The following FIG4 variants were observed in gnomAD, a reference collection of about 807,000 sequenced individuals.
FIG4 encodes the protein FIG4 phosphoinositide 5-phosphatase, also known as polyphosphoinositide phosphatase.
A neutral mutation model predicts 118.6 loss-of-function variants in FIG4; 112 were observed. The observed-to-expected ratio is 0.94, with a 90% CI of 0.81 to 1.11. The LOEUF is 1.11. FIG4 is among the 50% of genes least tolerant of loss of function. FIG4 has a pLI of 0.00. For missense variants in FIG4, 969 were observed against 1,111.7 expected, an observed-to-expected ratio of 0.87 and a Z score of 1.83; for synonymous variants, 369 against 381.2, an observed-to-expected ratio of 0.97 and a Z score of 0.37.
rs548088940 is a variant in FIG4 at position 109,756,167 on chromosome 6, A to G, written c.1138-4083A>G. 7.7e-3 allele frequency among the ~76,000 whole-genome samples: 1,164 copies of G among 152,016 alleles called. 21 individuals carry two copies. The highest frequency in any genetic ancestry group is 0.025 in the African/African-American group (1,032 of 41,394). ...AATCTCTCAGCATTTGCTTGTCTGTAAAGTATTTTATTTCTCCTTTACTTA... is the reference window on the plus strand; with the variant it reads ...AATCTCTCAGCATTTGCTTGTCTGTGAAGTATTTTATTTCTCCTTTACTTA... On this transcript the variant is annotated intron_variant, in intron 10 of 22. Transcript: ENST00000230124.
At chr6:109,705,572 C>T (rs1775042401) in intron 1 of FIG4, among the ~76,000 whole-genome samples, 1 of 152,188 alleles carries the variant, frequency 6.6e-6, no homozygotes, top group South Asian at 2.1e-4. Context: ...TTTGGCTCCT[C>T]TGATTCATGG....
In FIG4 at chr6:109,825,129, T is replaced by G. The variant is rs756957150; in HGVS notation, c.2588T>G (p.Val863Gly). Residue 863 changes from valine (V) to glycine (G), a missense_variant, in exon 23 of 23, where the codon GTT (valine) becomes GGT (glycine). Coordinates refer to ENST00000230124, the MANE Select transcript of FIG4 (RefSeq NM_014845.6). ...SAFSQDNIYE[V>G]QPPRVDRKST... ...TTCTCGCAAGATAACATCTATGAAGTTCAGCCCCCAAGAGTAGACAGAAAA... is the reference window on the plus strand; with the variant it reads ...TTCTCGCAAGATAACATCTATGAAGGTCAGCCCCCAAGAGTAGACAGAAAA... 6.2e-7 allele frequency: 1 copy of G among 1,614,070 alleles called. No homozygotes were observed. Among genetic ancestry groups the G allele is most frequent in the Non-Finnish European group, 8.5e-7 (1 of 1,179,956 alleles).
intron 22 of FIG4, among the ~76,000 whole-genome samples, chr6:109,802,668 A>G (rs1319315580): frequency 6.6e-6 from 1 of 152,222 alleles, no homozygotes; most frequent in African/African-American, 2.4e-5. Flanking sequence ...CCTGGCATCT[A>G]GGCACTTATT....
chr6:109,793,025 A>G (rs1019559948), intron 21 of FIG4, among the ~76,000 whole-genome samples: 16 of 152,208 alleles, frequency 1.1e-4, no homozygotes, highest in Non-Finnish European at 1.5e-4. Flanking sequence ...ATAGTCAGCA[A>G]TACAGAAGAA....
At chr6:109,805,754 C>T (rs1201552096) in intron 22 of FIG4, among the ~76,000 whole-genome samples, 1 of 152,042 alleles carries the variant, frequency 6.6e-6, no homozygotes, top group Admixed American at 6.6e-5. Context: ...TCAATTCATG[C>T]TTTTTAAGCA....
chr6:109,771,705 A>G (rs1448960020), intron 15 of FIG4, among the ~76,000 whole-genome samples: 1 of 151,960 alleles, frequency 6.6e-6, no homozygotes, highest in African/African-American at 2.4e-5. Flanking sequence ...CTCCCATCAA[A>G]TGCAGAGGGC....
intron 1 of FIG4, among the ~76,000 whole-genome samples, chr6:109,708,254 G>A (rs893185877): frequency 6.6e-6 from 1 of 151,958 alleles, no homozygotes; most frequent in Admixed American, 6.6e-5. Context: ...TTTTGCATTC[G>A]TTTGCCAAGG....
At chr6:109,733,648 T>C (rs896584787) in intron 5 of FIG4, among the ~76,000 whole-genome samples, 5 of 152,052 alleles carry the variant, frequency 3.3e-5, no homozygotes, top group Admixed American at 3.3e-4. Flanking sequence ...TGAAGGAAGT[T>C]GATTATTTTA....
At chr6:109,783,904 T>G (rs563615277) in intron 16 of FIG4, among the ~76,000 whole-genome samples, 1 of 152,198 alleles carries the variant, frequency 6.6e-6, no homozygotes, top group Non-Finnish European at 1.5e-5. Flanking sequence ...GTTAGAACAG[T>G]GATTTGCCCC....
At chr6:109,701,114 G>T (rs960301552) in intron 1 of FIG4, among the ~76,000 whole-genome samples, 6 of 152,224 alleles carry the variant, frequency 3.9e-5, no homozygotes, top group Admixed American at 1.3e-4. Context: ...TGTTCTCTGT[G>T]TATAGAGGTG....
chr6:109,769,256 G>C (rs542361434), intron 15 of FIG4, among the ~76,000 whole-genome samples: 6 of 152,076 alleles, frequency 3.9e-5, no homozygotes, highest in Admixed American at 1.3e-4. Context: ...AATAAGACTA[G>C]AGGACGGACA....
chr6:109,696,153 T>G (rs754290432), intron 1 of FIG4, among the ~76,000 whole-genome samples: 1 of 152,228 alleles, frequency 6.6e-6, no homozygotes, highest in African/African-American at 2.4e-5. Context: ...TTCACCCTTC[T>G]TCCACCCAAG....
rs1045797961 is a variant in FIG4 at position 109,762,274 on chromosome 6, G to A, written c.1388+67G>A. 12 of 965,368 alleles carry A rather than the reference G, an allele frequency of 1.2e-5. No homozygotes were observed. The African/African-American group carries it at 1.8e-4, about 14-fold the overall frequency. 59.8% of individuals were successfully genotyped at this position (965,368 alleles called of 1,614,324 possible). On this transcript the variant is annotated intron_variant, in intron 12 of 22. Transcript: ENST00000230124. ...TGCTCTTATGGGTATTCTAAATACA[G>A]CAGTTTGTACTACTTGGAAATTGGA...
At chr6:109,814,707 TG>T (rs1778812829) in intron 22 of FIG4, among the ~76,000 whole-genome samples, 1 of 152,200 alleles carries the variant, frequency 6.6e-6, no homozygotes, top group Admixed American at 6.5e-5. Context: ...CTCCTCAGCC[TG>T]GCTTCTGTGT....
chr6:109,747,205 T>C (rs187134487), intron 10 of FIG4, among the ~76,000 whole-genome samples: 1 of 152,118 alleles, frequency 6.6e-6, no homozygotes, highest in East Asian at 1.9e-4. Context: ...GGCCCAGATG[T>C]GATTTTTGTA....
intron 1 of FIG4, among the ~76,000 whole-genome samples, chr6:109,703,621 C>T (rs973928367): frequency 4.6e-5 from 7 of 152,174 alleles, no homozygotes. Context: ...CCAGAGGTGT[C>T]CACTCCTCCA....
chr6:109,808,368 AAAAAAAG>A (rs1778628772), intron 22 of FIG4, among the ~76,000 whole-genome samples: 1 of 151,308 alleles, frequency 6.6e-6, no homozygotes, highest in East Asian at 2.0e-4. Context: ...AAAAAAAAAA[AAAAAAAG>A]AGAGAAGAAA....
At chr6:109,773,743 C>T (rs975716980) in intron 15 of FIG4, among the ~76,000 whole-genome samples, 1 of 152,306 alleles carries the variant, frequency 6.6e-6, no homozygotes, top group Admixed American at 6.5e-5. Context: ...GCTATCACAG[C>T]TTACTGCAGC....
Position 109,744,995 on chromosome 6 carries a change from T to C in FIG4, c.1137+1223T>C, listed in dbSNP as rs149685996. 2.0e-3 allele frequency among the ~76,000 whole-genome samples: 307 copies of C among 152,338 alleles called. 7 individuals carry two copies. In the East Asian group the frequency reaches 0.048, roughly 24 times the overall value. ...CTCATCCTTTTTTACGGCTGCATAGTATTCCATGGTGTATATGTGTCACAT... is the reference window on the plus strand; with the variant it reads ...CTCATCCTTTTTTACGGCTGCATAGCATTCCATGGTGTATATGTGTCACAT... On this transcript the variant is annotated intron_variant, in intron 10 of 22. Transcript: ENST00000230124.
Sources: gnomAD v4.1 joint callset for allele counts (sites outside exome capture counted in the v4.1 genomes callset) on GRCh38, gnomAD v4.1.1 for gene constraint, MANE v1.5 for transcripts, NCBI Gene and HGNC (gene_info 2026-07-23, HGNC 2026-07-21) for gene names.